PON1: variants seen among roughly 807,000 people sequenced by gnomAD.
PON1 encodes the protein serum paraoxonase/arylesterase 1.
Under a neutral mutation model 39.2 loss-of-function variants are expected in PON1, and 37 were observed. The observed-to-expected ratio is 0.94, with a 90% CI of 0.73 to 1.24. The LOEUF (loss-of-function observed/expected upper bound fraction) is 1.24, where lower values mean the gene tolerates loss of function less well. PON1 is among the 50% of genes most tolerant of loss of function. The pLI, the probability that PON1 is intolerant of heterozygous loss-of-function variation, is 0.00. For missense variants in PON1, 397 were observed against 413.5 expected (o/e 0.96, Z 0.35); for synonymous variants, 148 against 152.2 (o/e 0.97, Z 0.21).
intron 7 of PON1, among the ~76,000 whole-genome samples, chr7:95,302,758 A>G (rs1308830000): frequency 4.6e-5 from 7 of 152,234 alleles, no homozygotes; most frequent in Middle Eastern, 3.2e-3. Context: ...AAGAATATCA[A>G]TGAAATGTGG....
At position 95,298,744 on chromosome 7, in the gene PON1, C is replaced by A; in HGVS notation, c.*200G>T. The A allele has an allele frequency of 1.5e-6, 1 of 648,524 alleles. No individual in the cohort carries two copies. The highest frequency in any genetic ancestry group is 2.4e-5 in the Admixed American group (1 of 41,116). The allele number at this position is 648,524 out of a possible 1,614,324, so 40.2% of individuals were successfully genotyped here. A position where few individuals can be genotyped will look rare whatever the true frequency, so the allele number is the denominator to read the frequency against. ...TGGTAAATGAGGTTTTCAAGTATTC[C>A]AAGACTGATTTGATAGTGTATTCTC... On this transcript the variant is annotated 3_prime_UTR_variant, in exon 9 of 9. Transcript: ENST00000222381.
chr7:95,306,995 G>GCTGTCC (rs770799537), intron 6 of PON1, among the ~76,000 whole-genome samples: 79 of 151,430 alleles, frequency 5.2e-4, no homozygotes, highest in Non-Finnish European at 1.0e-3. Context: ...ATAATTAAAA[G>GCTGTCC]CTGTCCCTGT....
Position 95,324,525 on chromosome 7 carries a change from G to C in PON1, c.-50C>G, listed in dbSNP as rs1424866688. The C allele has an allele frequency of 1.3e-6, 2 of 1,568,354 alleles. No homozygotes were observed. The highest frequency in any genetic ancestry group is 8.8e-7 in the Non-Finnish European group (1 of 1,142,072). ...ATGGGCGCAGACACCGACGGGCTAG[G>C]AGGCTCTGCCTGCCTGCAGCCGCAG... On this transcript the variant is annotated 5_prime_UTR_variant, in exon 1 of 9. Coordinates refer to ENST00000222381, the MANE Select transcript of PON1 (RefSeq NM_000446.7).
chr7:95,298,643 T>C lies in PON1; in HGVS notation c.*301A>G, dbSNP rs139165580. On this transcript the variant is annotated 3_prime_UTR_variant, in exon 9 of 9. Transcript: ENST00000222381. Reference sequence around the variant, plus strand: ...AACACATGTTTTAGGGTAAGTACTTTTGGGGTCACACACTGTTATTTAATA... The same window carrying C: ...AACACATGTTTTAGGGTAAGTACTTCTGGGGTCACACACTGTTATTTAATA... The C allele has an allele frequency of 5.9e-5, 26 of 438,336 alleles. No homozygotes were observed. Among genetic ancestry groups the C allele is most frequent in the Non-Finnish European group, 1.0e-4 (24 of 235,420 alleles). The allele number at this position is 438,336 out of a possible 1,614,324, so 27.2% of individuals were successfully genotyped here. A position where few individuals can be genotyped will look rare whatever the true frequency, so the allele number is the denominator to read the frequency against.
rs3917491 is a variant in PON1, at chr7:95,319,322, C to T, written c.75-929G>A. ...CAGACACGCTAGATAAAATTCTTAC[C>T]GACGTGGTACAAAATGATAGGAATT... On this transcript the variant is annotated intron_variant, in intron 1 of 8. Coordinates refer to ENST00000222381, the MANE Select transcript of PON1 (RefSeq NM_000446.7). 4.5e-3 allele frequency among the ~76,000 whole-genome samples: 684 copies of T among 152,046 alleles called. 8 individuals are homozygous for T. The highest frequency in any genetic ancestry group is 0.015 in the African/African-American group (625 of 41,500).
intron 4 of PON1, among the ~76,000 whole-genome samples, chr7:95,314,861 C>T (rs1434152200): frequency 1.4e-5 from 2 of 140,630 alleles, no homozygotes; most frequent in African/African-American, 5.0e-5. Context: ...ATTTTGAACA[C>T]AGAACAGAGG....
chr7:95,314,757 C>T (rs1167550341), intron 4 of PON1, among the ~76,000 whole-genome samples: 1 of 151,950 alleles, frequency 6.6e-6, no homozygotes, highest in African/African-American at 2.4e-5. Context: ...AATACAGAGA[C>T]AAGGAAGTGA....
intron 6 of PON1, among the ~76,000 whole-genome samples, chr7:95,307,279 A>G (rs1196249042): frequency 4.6e-5 from 7 of 151,752 alleles, no homozygotes; most frequent in Admixed American, 2.0e-4. Flanking sequence ...AGGCTGGTCT[A>G]TGACCTCAGG....
At chr7:95,307,043 TTTTC>T (rs544300791) in intron 6 of PON1, among the ~76,000 whole-genome samples, 1,776 of 150,180 alleles carry the variant, frequency 0.012, 17 homozygotes, top group Admixed American at 0.017. Flanking sequence ...TTGCTTTTTC[TTTTC>T]TTTCTTTCTT....
Position 95,306,422 on chromosome 7 carries a change from T to A in PON1, c.699-56A>T, listed in dbSNP as rs1807542737. 6.4e-6 allele frequency: 8 copies of A among 1,256,392 alleles called. No homozygotes were observed. The East Asian group carries it at 1.9e-4, about 29-fold the overall frequency. The allele number at this position is 1,256,392 out of a possible 1,614,324, so 77.8% of individuals were successfully genotyped here. A position where few individuals can be genotyped will look rare whatever the true frequency, so the allele number is the denominator to read the frequency against. On this transcript the variant is annotated intron_variant, in intron 6 of 8. Coordinates refer to ENST00000222381, the MANE Select transcript of PON1 (RefSeq NM_000446.7). Reference sequence around the variant, plus strand: ...CTAGAAGTAACACAACTTGAGAGATTAAGATGAAGTTGTAATACCTATTCA... The same window carrying A: ...CTAGAAGTAACACAACTTGAGAGATAAAGATGAAGTTGTAATACCTATTCA...
At position 95,300,276 on chromosome 7, in the gene PON1, A is replaced by G. The variant is rs569441619; in HGVS notation, c.910-1174T>C. On this transcript the variant is annotated intron_variant, in intron 8 of 8. Transcript: ENST00000222381. Reference sequence around the variant, plus strand: ...ACCTGGGTCATGTCTTGGATCTTCCACTCACATTTGTTTCTCATCTGTAGA... The same window carrying G: ...ACCTGGGTCATGTCTTGGATCTTCCGCTCACATTTGTTTCTCATCTGTAGA... Among the ~76,000 whole-genome samples, 23 of 152,314 alleles carry G rather than the reference A, an allele frequency of 1.5e-4. 1 individual carries two copies. The highest frequency in any genetic ancestry group is 5.5e-4 in the African/African-American group (23 of 41,576).
intron 8 of PON1, among the ~76,000 whole-genome samples, chr7:95,301,382 T>C (rs1323642876): frequency 6.6e-6 from 1 of 152,106 alleles, no homozygotes; most frequent in Non-Finnish European, 1.5e-5. Flanking sequence ...GTCCATTGCA[T>C]GGACCTGTGC....
intron 5 of PON1, among the ~76,000 whole-genome samples, chr7:95,310,810 C>A (rs3917531): frequency 6.6e-6 from 1 of 152,138 alleles, no homozygotes; most frequent in East Asian, 1.9e-4. Context: ...AAGATAGAGT[C>A]GGATTGTTCT....
intron 1 of PON1, among the ~76,000 whole-genome samples, chr7:95,321,859 T>C (rs1230429770): frequency 2.6e-5 from 4 of 152,204 alleles, no homozygotes; most frequent in African/African-American, 9.7e-5. Flanking sequence ...CTCAGGAACC[T>C]TCACATATAC....
Position 95,297,753 on chromosome 7 carries a change from C to G in PON1, c.*1191G>C, listed in dbSNP as rs1478379744. ...GTTGCAGTGAGCCAAGATCGCACCA[C>G]TGCACTCCAGCCTGGGCAACAGAGT... is the stretch of plus-strand genomic sequence containing the variant. On this transcript the variant is annotated 3_prime_UTR_variant, in exon 9 of 9. Coordinates refer to ENST00000222381, the MANE Select transcript of PON1 (RefSeq NM_000446.7). 3 of 152,190 alleles carry G rather than the reference C, an allele frequency of 2.0e-5. No homozygotes were observed. Among genetic ancestry groups the G allele is most frequent in the African/African-American group, 4.8e-5 (2 of 41,440 alleles). The allele number at this position is 152,190 out of a possible 1,614,324, so 9.4% of individuals were successfully genotyped here.
At chr7:95,299,973 A>G (rs1563593450) in intron 8 of PON1, among the ~76,000 whole-genome samples, 1 of 152,142 alleles carries the variant, frequency 6.6e-6, no homozygotes, top group Non-Finnish European at 1.5e-5. Flanking sequence ...TGGTTTTTAA[A>G]ATGCAGACAA....
At chr7:95,317,135 T>A (rs1196095165) in intron 2 of PON1, among the ~76,000 whole-genome samples, 1 of 152,170 alleles carries the variant, frequency 6.6e-6, no homozygotes, top group Non-Finnish European at 1.5e-5. Context: ...TTTCTAAAGA[T>A]ACAAGGTAAA....
At chr7:95,301,989 T>C (rs1442641516) in intron 8 of PON1, among the ~76,000 whole-genome samples, 3 of 146,688 alleles carry the variant, frequency 2.0e-5, no homozygotes, top group Non-Finnish European at 3.0e-5. Flanking sequence ...CCCAACTACT[T>C]GGGAGGCTGA....
At chr7:95,320,008 G>T (rs1807860114) in intron 1 of PON1, among the ~76,000 whole-genome samples, 1 of 152,120 alleles carries the variant, frequency 6.6e-6, no homozygotes, top group African/African-American at 2.4e-5. Context: ...TCTGGTCTAG[G>T]GAAAGTGTAG....
Sources: gnomAD v4.1 joint callset for allele counts (sites outside exome capture counted in the v4.1 genomes callset) on GRCh38, gnomAD v4.1.1 for gene constraint, MANE v1.5 for transcripts, NCBI Gene and HGNC (gene_info 2026-07-23, HGNC 2026-07-21) for gene names.